GLB1: variants seen among roughly 807,000 people sequenced by gnomAD.
The protein encoded by GLB1 is galactosidase beta 1.
A neutral mutation model predicts 74.0 loss-of-function variants in GLB1; 56 were observed. That is an observed-to-expected ratio of 0.76 (90% CI 0.61 to 0.94). The LOEUF (loss-of-function observed/expected upper bound fraction) is 0.94, where lower values mean the gene tolerates loss of function less well. Among genes scored for constraint, GLB1 ranks in the 40% least tolerant of loss-of-function variants. The pLI is 0.00. For synonymous variants in GLB1, 323 were observed against 323.6 expected, an observed-to-expected ratio of 1.00 and a Z score of 0.02; for missense variants, 787 against 845.5, an observed-to-expected ratio of 0.93 and a Z score of 0.86.
chr3:33,056,307 G>C (rs536137068), intron 6 of GLB1, among the ~76,000 whole-genome samples: 2 of 145,772 alleles, frequency 1.4e-5, no homozygotes, highest in East Asian at 4.1e-4. Flanking sequence ...TCCCTCTTAA[G>C]AGAGGCAAAC....
rs2125548844 is a variant in GLB1 at position 33,068,959 on chromosome 3, C to T, written c.257G>A (p.Trp86Ter). The change falls in exon 3 of 16, where the codon TGG (tryptophan) becomes TAG (stop). Residue 86 changes from tryptophan (W) to a stop codon, truncating the protein, a stop_gained. Coordinates refer to ENST00000307363, the MANE Select transcript of GLB1 (RefSeq NM_000404.4). LOFTEE classifies it high-confidence loss of function. ...GLNAIQTYVPWNFHEPWPGQY... is the reference protein window; with the variant it reads ...GLNAIQTYVP ...TCCTGGCCAGGGCTCATGAAAGTTC[C>T]AGGGCACATACCTGCCAAGACACAC... 1 of 1,614,178 alleles carries T rather than the reference C, an allele frequency of 6.2e-7. No individual in the cohort carries two copies. The highest frequency in any genetic ancestry group is 8.5e-7 in the Non-Finnish European group (1 of 1,180,024).
chr3:33,092,429 G>A (rs2125583875), intron 1 of GLB1: 1 of 1,000,390 alleles, frequency 1.0e-6, no homozygotes, highest in Non-Finnish European at 1.2e-6. Context: ...AAGTCCTAAA[G>A]ACAATTTTAA....
chr3:33,043,572 C>T (rs758927960), intron 10 of GLB1, among the ~76,000 whole-genome samples: 7 of 151,592 alleles, frequency 4.6e-5, no homozygotes, highest in Non-Finnish European at 7.4e-5. Context: ...AAAAGGTAAA[C>T]GAATAGAAAT....
intron 11 of GLB1, among the ~76,000 whole-genome samples, chr3:33,023,211 T>C (rs1697576434): frequency 6.6e-6 from 1 of 152,222 alleles, no homozygotes; most frequent in South Asian, 2.1e-4. Context: ...AGCTATTTTC[T>C]GTTGCATAAA....
rs555237708 is a variant in GLB1 at position 33,090,379 on chromosome 3, C to T, written c.75+6632G>A. The T allele has an allele frequency of 8.3e-4, 815 of 984,998 alleles. 2 individuals are homozygous for T. Among genetic ancestry groups the T allele is most frequent in the Non-Finnish European group, 9.5e-4 (787 of 829,800 alleles). The allele number at this position is 984,998 out of a possible 1,614,324, so 61.0% of individuals were successfully genotyped here. A position where few individuals can be genotyped will look rare whatever the true frequency, so the allele number is the denominator to read the frequency against. On this transcript the variant is annotated intron_variant, in intron 1 of 15. Transcript: ENST00000307363. ...AGGTACATGTACGAAAAGTTTAAAACAAACCAAACAAAACACGAGGGGAAG... is the reference window on the plus strand; with the variant it reads ...AGGTACATGTACGAAAAGTTTAAAATAAACCAAACAAAACACGAGGGGAAG...
the GLB1 span, among the ~76,000 whole-genome samples, chr3:32,961,403 G>C: frequency 6.6e-6 from 1 of 152,236 alleles, no homozygotes; most frequent in South Asian, 2.1e-4. Flanking sequence ...GGCATTTCCT[G>C]AGCAGAGGGT....
intron 10 of GLB1, among the ~76,000 whole-genome samples, chr3:33,035,996 G>A (rs1254381906): frequency 2.0e-5 from 3 of 152,180 alleles, no homozygotes; most frequent in Admixed American, 2.0e-4. Context: ...TAAAGTGTAA[G>A]GGTGATGGTT....
chr3:33,095,837 G>C (rs1402650384), intron 1 of GLB1, among the ~76,000 whole-genome samples: 1 of 152,166 alleles, frequency 6.6e-6, no homozygotes, highest in African/African-American at 2.4e-5. Context: ...GGCTAGCTCT[G>C]ACTCCTAAGG....
chr3:33,058,394 A>C, intron 5 of GLB1, 125 bp from the exon 6 acceptor site: 1 of 1,391,950 alleles, frequency 7.2e-7, no homozygotes, highest in South Asian at 1.3e-5. Flanking sequence ...CTGCTGGAAA[A>C]ATTTCCTTCA....
At chr3:33,088,069 A>T (rs975127976) in intron 1 of GLB1, among the ~76,000 whole-genome samples, 3 of 152,170 alleles carry the variant, frequency 2.0e-5, no homozygotes, top group South Asian at 2.1e-4. Flanking sequence ...TTTCATGATT[A>T]AAAAAACCAA....
intron 15 of GLB1, among the ~76,000 whole-genome samples, chr3:33,013,037 C>T (rs1697092998): frequency 2.6e-5 from 4 of 152,196 alleles, no homozygotes; most frequent in Admixed American, 1.3e-4. Context: ...CAATGGCTCT[C>T]AACACAAAGA....
intron 10 of GLB1, among the ~76,000 whole-genome samples, chr3:33,031,254 GA>G (rs1458501357): frequency 1.3e-5 from 2 of 152,184 alleles, no homozygotes; most frequent in East Asian, 3.9e-4. Context: ...ATATACAGGG[GA>G]TATCTACCAT....
At chr3:33,087,210 G>A (rs917269685) in intron 1 of GLB1, among the ~76,000 whole-genome samples, 7 of 152,054 alleles carry the variant, frequency 4.6e-5, no homozygotes, top group African/African-American at 1.2e-4. Context: ...CACCAAGACC[G>A]AATCATGAAG....
chr3:33,014,337 A>C (rs1293808187), intron 14 of GLB1, 27 bp from the exon 15 acceptor site: 4 of 1,611,466 alleles, frequency 2.5e-6, no homozygotes, highest in Non-Finnish European at 3.4e-6. Context: ...GAGCACAGTG[A>C]GCTGGGGAGG....
At chr3:33,018,644 C>T (rs926316269) in intron 12 of GLB1, 83 bp from the exon 13 acceptor site, 31 of 1,405,676 alleles carry the variant, frequency 2.2e-5, no homozygotes, top group African/African-American at 2.8e-5. Flanking sequence ...TGTATGAAAG[C>T]GATGTTTCTC....
intron 14 of GLB1, 130 bp from the exon 15 acceptor site, chr3:33,014,440 A>ATG (rs1326980325): frequency 1.5e-6 from 2 of 1,374,382 alleles, no homozygotes; most frequent in African/African-American, 2.9e-5. Context: ...ACCTCGAAAT[A>ATG]TGTGTACATC....
At chr3:33,053,364 G>A in intron 7 of GLB1, 127 bp downstream of exon 7, 2 of 1,314,236 alleles carry the variant, frequency 1.5e-6, no homozygotes, top group African/African-American at 1.4e-5. Context: ...GAATGGCTAT[G>A]ACTCCACAAT....
intron 15 of GLB1, among the ~76,000 whole-genome samples, chr3:33,008,672 G>A (rs530455917): frequency 2.6e-4 from 40 of 152,268 alleles, no homozygotes; most frequent in African/African-American, 8.7e-4. Flanking sequence ...TGGTAGCCAC[G>A]ATGAATGCGC....
At chr3:32,967,384 T>G in the GLB1 span, among the ~76,000 whole-genome samples, 2 of 152,182 alleles carry the variant, frequency 1.3e-5, no homozygotes, top group Non-Finnish European at 2.9e-5. Context: ...CTGGCCAACA[T>G]GGTGAAACCT....
Sources: gnomAD v4.1 joint callset for allele counts (sites outside exome capture counted in the v4.1 genomes callset) on GRCh38, gnomAD v4.1.1 for gene constraint, MANE v1.5 for transcripts, NCBI Gene and HGNC (gene_info 2026-07-23, HGNC 2026-07-21) for gene names.